IL17RB: variants seen among roughly 807,000 people sequenced by gnomAD.
The protein encoded by IL17RB is interleukin 17 receptor B.
A neutral mutation model predicts 43.9 loss-of-function variants in IL17RB; 36 were observed. The observed-to-expected ratio is 0.82, with a 90% CI of 0.63 to 1.08. The LOEUF is 1.08. Ranked by LOEUF, IL17RB falls within the 50% of genes least tolerant of loss-of-function variation. The pLI is 0.00. For missense variants in IL17RB, 613 were observed against 613.6 expected (o/e 1.00, Z 0.01); for synonymous variants, 225 against 225.4 (o/e 1.00, Z 0.02).
chr3:53,854,979 T>C (rs907845230), intron 5 of IL17RB, among the ~76,000 whole-genome samples: 2 of 151,844 alleles, frequency 1.3e-5, no homozygotes, highest in Admixed American at 1.3e-4. Context: ...TAGCCGGGCG[T>C]GGTGGCGGGC....
rs1470995167 is a variant in IL17RB, at chr3:53,865,260, A to G, written c.1461A>G (p.Ser487=). 1 of 1,611,434 alleles carries G rather than the reference A, an allele frequency of 6.2e-7. No homozygotes were observed. Among genetic ancestry groups the G allele is most frequent in the Admixed American group, 1.7e-5 (1 of 60,020 alleles). ...AELLHVKQQV[S]AGKRSQACHD... ...TTCTCCATGTCAAGCAGCAGGTGTC[A>G]GCAGGAAAAAGATCACAAGCCTGCC... The change falls in exon 11 of 11, where the codon TCA becomes TCG. Residue 487 remains serine (S), a synonymous_variant. Transcript: ENST00000288167.
chr3:53,848,440 T>C (rs549937632), intron 1 of IL17RB, among the ~76,000 whole-genome samples: 1 of 152,384 alleles, frequency 6.6e-6, no homozygotes, highest in South Asian at 2.1e-4. Context: ...ATGCACTGGC[T>C]TGAGGATCAG....
At chr3:53,857,296 C>T (rs3821868) in intron 7 of IL17RB, among the ~76,000 whole-genome samples, 53,623 of 151,870 alleles carry the variant, frequency 0.35, 9,727 homozygotes, top group East Asian at 0.48. Context: ...TTTTGGGGGG[C>T]GGAGGTTGAC....
chr3:53,865,760 G>C lies in IL17RB; in HGVS notation c.*452G>C, dbSNP rs1347979359. Reference sequence around the variant, plus strand: ...ACATGCAAAAAATCATTGTTTTTAAGATAACAAAAGTAGGGAATAAACAAG... The same window carrying C: ...ACATGCAAAAAATCATTGTTTTTAACATAACAAAAGTAGGGAATAAACAAG... On this transcript the variant is annotated 3_prime_UTR_variant, in exon 11 of 11. Transcript: ENST00000288167. 6.5e-6 allele frequency: 1 copy of C among 154,602 alleles called. No homozygotes were observed. The highest frequency in any genetic ancestry group is 2.4e-5 in the African/African-American group (1 of 41,464). 9.6% of individuals were successfully genotyped at this position (154,602 alleles called of 1,614,324 possible). A position where few individuals can be genotyped will look rare whatever the true frequency, so the allele number is the denominator to read the frequency against.
Position 53,856,143 on chromosome 3 carries a change from G to A in IL17RB, c.530-701G>A, listed in dbSNP as rs150576796. On this transcript the variant is annotated intron_variant, in intron 6 of 10. Coordinates refer to ENST00000288167, the MANE Select transcript of IL17RB (RefSeq NM_018725.4). ...ACACTGCAGGTGTGAGGAGGTCAGA[G>A]GGCCTTGAAGTCAGTCCTGAACCTG... Among the ~76,000 whole-genome samples the A allele has an allele frequency of 7.7e-3, 1,170 of 152,314 alleles. 10 individuals are homozygous for A. The highest frequency in any genetic ancestry group is 0.013 in the Admixed American group (196 of 15,308).
At chr3:53,855,139 A>AG (rs1265425218) in intron 5 of IL17RB, among the ~76,000 whole-genome samples, 155 bp from the exon 6 acceptor site, 1 of 150,886 alleles carries the variant, frequency 6.6e-6, no homozygotes, top group African/African-American at 2.4e-5. Context: ...AAAAAAAAAA[A>AG]AATTAGAGCC....
chr3:53,858,050 G>A (rs933151513), intron 8 of IL17RB: 3 of 258,132 alleles, frequency 1.2e-5, no homozygotes, highest in South Asian at 4.9e-5. Flanking sequence ...TCCAGGCAGC[G>A]TATGAACTCT....
intron 1 of IL17RB, 61 bp downstream of exon 1, chr3:53,846,709 C>A: frequency 6.7e-7 from 1 of 1,490,204 alleles, no homozygotes; most frequent in Non-Finnish European, 9.0e-7. Flanking sequence ...ATCCTGACGT[C>A]GTCTGATCCG....
intron 8 of IL17RB, chr3:53,858,039 T>A (rs1213828534): frequency 1.4e-5 from 4 of 276,466 alleles, no homozygotes; most frequent in Non-Finnish European, 2.9e-5. Flanking sequence ...AAGGTTTGAG[T>A]TCCAGGCAGC....
intron 3 of IL17RB, among the ~76,000 whole-genome samples, chr3:53,851,543 A>G (rs1033438991): frequency 1.3e-5 from 2 of 152,122 alleles, no homozygotes; most frequent in Non-Finnish European, 2.9e-5. Flanking sequence ...AGATAATGGG[A>G]GGAAAGGACC....
Position 53,865,288 on chromosome 3 carries a change from G to A in IL17RB, c.1489G>A (p.Asp497Asn), listed in dbSNP as rs368854367. 5.6e-6 allele frequency: 9 copies of A among 1,606,152 alleles called. No homozygotes were observed. Among genetic ancestry groups the A allele is most frequent in the East Asian group, 4.5e-5 (2 of 44,894 alleles). The change falls in exon 11 of 11, where the codon GAT becomes AAT. Residue 497 changes from aspartate (D) to asparagine (N), a missense_variant. Physicochemically the swap from Asp to Asn is conservative, Grantham distance 23. Coordinates refer to ENST00000288167, the MANE Select transcript of IL17RB (RefSeq NM_018725.4). ...SAGKRSQACH[D>N]GCCSL ...AGGAAAAAGATCACAAGCCTGCCAC[G>A]ATGGCTGCTGCTCCTTGTAGCCCAC...
At chr3:53,848,620 G>A in intron 1 of IL17RB, 44 bp from the exon 2 acceptor site, 1 of 1,589,572 alleles carries the variant, frequency 6.3e-7, no homozygotes, top group Non-Finnish European at 8.5e-7. Context: ...AAAGCTTGTG[G>A]TTTGCCGGCT....
chr3:53,848,022 G>T (rs1158891157), intron 1 of IL17RB, among the ~76,000 whole-genome samples: 4 of 152,154 alleles, frequency 2.6e-5, no homozygotes, highest in African/African-American at 9.7e-5. Flanking sequence ...AATATTTTAG[G>T]TTCAGTATTT....
chr3:53,858,448 C>G, intron 8 of IL17RB: 1 of 1,269,092 alleles, frequency 7.9e-7, no homozygotes, highest in Non-Finnish European at 1.0e-6. Context: ...AAGATATGAC[C>G]TAGCCCTTTT....
At position 53,852,013 on chromosome 3, in the gene IL17RB, T is replaced by C. The variant is rs1576829529; in HGVS notation, c.241T>C (p.Leu81=). 2.5e-6 allele frequency: 4 copies of C among 1,614,170 alleles called. No homozygotes were observed. The highest frequency in any genetic ancestry group is 4.5e-5 in the East Asian group (2 of 44,870). The part of the protein sequence containing the change: ...VLRADASIRL[L]KATKICVTGK... ...TATCTCGGCAGCCAGCATCCGCTTG[T>C]TGAAGGCCACCAAGATTTGTGTGAC... Residue 81 remains leucine, a synonymous_variant, in exon 4 of 11, where the codon TTG becomes CTG. Coordinates refer to ENST00000288167, the MANE Select transcript of IL17RB (RefSeq NM_018725.4).
intron 10 of IL17RB, among the ~76,000 whole-genome samples, chr3:53,864,225 T>A (rs1270149567): frequency 1.3e-5 from 2 of 152,204 alleles, no homozygotes; most frequent in African/African-American, 4.8e-5. Context: ...ATACTGCTTT[T>A]AAAATAAGGT....
At chr3:53,852,276 G>A (rs1699179303) in intron 4 of IL17RB, 150 bp downstream of exon 4, 1 of 729,774 alleles carries the variant, frequency 1.4e-6, no homozygotes, top group Non-Finnish European at 2.2e-6. Flanking sequence ...CAAGCAGCTG[G>A]GACTACAGGC....
intron 4 of IL17RB, among the ~76,000 whole-genome samples, chr3:53,852,465 T>C (rs564132718): frequency 2.0e-5 from 3 of 152,312 alleles, no homozygotes; most frequent in South Asian, 2.1e-4. Flanking sequence ...GGCTAATTGT[T>C]GCTGAAAGCT....
rs747179425 is a variant in IL17RB at position 53,852,925 on chromosome 3, G to A, written c.409G>A (p.Gly137Arg). The A allele has an allele frequency of 1.2e-6, 2 of 1,613,206 alleles. No individual in the cohort carries two copies. Among genetic ancestry groups the A allele is most frequent in the Non-Finnish European group, 1.7e-6 (2 of 1,179,234 alleles). The change falls in exon 5 of 11, where the codon GGG becomes AGG. Residue 137 changes from glycine to arginine, a missense_variant. Physicochemically the swap from Gly to Arg is moderately radical, Grantham distance 125 (BLOSUM62 -2). Coordinates refer to ENST00000288167, the MANE Select transcript of IL17RB (RefSeq NM_018725.4). ...AGAGCTGAACACAGTCTATTTCATT[G>A]GGGCCCATAATATTCCTAATGCAAA... ...PVELNTVYFI[G>R]AHNIPNANMN... is the part of the protein sequence containing the mutation.
Sources: allele counts gnomAD v4.1 joint callset (sites outside exome capture counted in the v4.1 genomes callset), GRCh38; gene constraint gnomAD v4.1.1; transcripts MANE v1.5; gene names NCBI Gene and HGNC (gene_info 2026-07-23, HGNC 2026-07-21).